DPP10: variants seen among roughly 807,000 people sequenced by gnomAD.
The protein encoded by DPP10 is inactive dipeptidyl peptidase 10.
DPP10 carries 33 observed loss-of-function variants against 120.9 expected under a neutral mutation model. That is an observed-to-expected ratio of 0.27 (90% confidence interval 0.21 to 0.37). The LOEUF is 0.37. DPP10 is among the 10% of genes least tolerant of loss of function. The pLI is 1.00. For synonymous variants in DPP10, 337 were observed against 326.1 expected, an observed-to-expected ratio of 1.03 and a Z score of -0.36; for missense variants, 816 against 942.8, an observed-to-expected ratio of 0.87 and a Z score of 1.76.
chr2:115,574,065 C>A (rs918901203), intron 5 of DPP10, among the ~76,000 whole-genome samples: 5 of 152,110 alleles, frequency 3.3e-5, no homozygotes, highest in African/African-American at 7.2e-5. Context: ...CAATCATCTG[C>A]CATCCATTCA....
At chr2:114,585,007 T>G (rs1690835345) in intron 1 of DPP10, among the ~76,000 whole-genome samples, 1 of 152,188 alleles carries the variant, frequency 6.6e-6, no homozygotes, top group Non-Finnish European at 1.5e-5. Flanking sequence ...AAGCTTGTGT[T>G]AGCTTTTTAT....
chr2:115,027,654 T>C (rs1188183661), intron 1 of DPP10, among the ~76,000 whole-genome samples: 1 of 152,128 alleles, frequency 6.6e-6, no homozygotes, highest in African/African-American at 2.4e-5. Flanking sequence ...ATAAAATAAG[T>C]TTAGAAGTAT....
At chr2:115,811,936 A>G (rs1357039387) in intron 19 of DPP10, among the ~76,000 whole-genome samples, 3 of 152,224 alleles carry the variant, frequency 2.0e-5, no homozygotes, top group Non-Finnish European at 2.9e-5. Flanking sequence ...TATGCTCAAC[A>G]TAAGCAAAAT....
chr2:115,336,702 T>C (rs2063160870), intron 2 of DPP10, among the ~76,000 whole-genome samples: 1 of 151,862 alleles, frequency 6.6e-6, no homozygotes, highest in South Asian at 2.1e-4. Context: ...GAGAGGTGAA[T>C]ATTAAATTTT....
chr2:115,093,583 T>C (rs1315839000), intron 1 of DPP10, among the ~76,000 whole-genome samples: 1 of 152,080 alleles, frequency 6.6e-6, no homozygotes, highest in East Asian at 1.9e-4. Context: ...TAGGAAATAG[T>C]ACATATCTAA....
At chr2:115,179,446 C>T (rs960618092) in intron 1 of DPP10, among the ~76,000 whole-genome samples, 2 of 151,816 alleles carry the variant, frequency 1.3e-5, no homozygotes, top group Admixed American at 6.6e-5. Context: ...TCTTATATAC[C>T]GTGGGATAAG....
chr2:114,940,776 A>T (rs909698850), intron 1 of DPP10, among the ~76,000 whole-genome samples: 1 of 152,196 alleles, frequency 6.6e-6, no homozygotes, highest in Non-Finnish European at 1.5e-5. Flanking sequence ...CCATTATGTT[A>T]ACAGAATTGT....
At chr2:114,530,288 G>T (rs1384591304) in intron 1 of DPP10, among the ~76,000 whole-genome samples, 1 of 152,028 alleles carries the variant, frequency 6.6e-6, no homozygotes, top group Non-Finnish European at 1.5e-5. Context: ...CACAACTTGT[G>T]GCAAATGATT....
chr2:115,719,205 C>T (rs963690166), intron 7 of DPP10, among the ~76,000 whole-genome samples: 4 of 152,022 alleles, frequency 2.6e-5, no homozygotes, highest in South Asian at 2.1e-4. Context: ...TCCTAAAAAG[C>T]GTGGATTAAA....
At chr2:115,382,594 C>G (rs1320284503) in intron 3 of DPP10, among the ~76,000 whole-genome samples, 2 of 151,952 alleles carry the variant, frequency 1.3e-5, no homozygotes, top group African/African-American at 2.4e-5. Flanking sequence ...CTTTCCAGTG[C>G]TATCTCTGTG....
intron 1 of DPP10, among the ~76,000 whole-genome samples, chr2:114,653,041 T>TGA (rs1259965626): frequency 6.6e-6 from 1 of 151,518 alleles, no homozygotes; most frequent in Non-Finnish European, 1.5e-5. Context: ...TGTGTGTGTG[T>TGA]GTGTGTGTGT....
At chr2:115,363,056 C>A (rs377463923) in intron 3 of DPP10, among the ~76,000 whole-genome samples, 1 of 152,294 alleles carries the variant, frequency 6.6e-6, no homozygotes, top group African/African-American at 2.4e-5. Flanking sequence ...CACTGCCATG[C>A]ACTTGTCAAC....
chr2:115,204,190 C>G (rs1179937202), intron 1 of DPP10, among the ~76,000 whole-genome samples: 1 of 152,092 alleles, frequency 6.6e-6, no homozygotes, highest in Admixed American at 6.6e-5. Context: ...ATGTGCAGTT[C>G]TGCAAAAACT....
At chr2:115,403,381 CTTTTTTTTTTTTTTTT>C (rs78116780) in intron 3 of DPP10, among the ~76,000 whole-genome samples, 20 of 118,466 alleles carry the variant, frequency 1.7e-4, no homozygotes, top group East Asian at 1.5e-3. Context: ...TTCTTTCCTT[CTTTTTTTTTTTTTTTT>C]TTTTTTTTTT....
intron 7 of DPP10, among the ~76,000 whole-genome samples, chr2:115,697,731 A>T (rs1043559496): frequency 6.6e-6 from 1 of 152,148 alleles, no homozygotes; most frequent in South Asian, 2.1e-4. Context: ...GACGCCTGTA[A>T]TCCCAGCACT....
At chr2:114,970,227 GA>G (rs1699305585) in intron 1 of DPP10, among the ~76,000 whole-genome samples, 1 of 152,096 alleles carries the variant, frequency 6.6e-6, no homozygotes, top group Non-Finnish European at 1.5e-5. Flanking sequence ...CTAAAATGGA[GA>G]AATAAATTAA....
chr2:115,717,972 AAAGGG>A (rs2092546125), intron 7 of DPP10, among the ~76,000 whole-genome samples: 2 of 152,174 alleles, frequency 1.3e-5, no homozygotes, highest in African/African-American at 2.4e-5. Flanking sequence ...TCCAAAATAG[AAAGGG>A]AAGTCAGATG....
At chr2:114,965,600 G>T (rs1004404853) in intron 1 of DPP10, among the ~76,000 whole-genome samples, 1 of 152,070 alleles carries the variant, frequency 6.6e-6, no homozygotes, top group African/African-American at 2.4e-5. Context: ...CTAGGTGATT[G>T]GTTAAGACCT....
chr2:115,372,155 T>G (rs1234313635), intron 3 of DPP10, among the ~76,000 whole-genome samples: 1 of 152,130 alleles, frequency 6.6e-6, no homozygotes, highest in Admixed American at 6.6e-5. Context: ...TTGATTATAG[T>G]TTAAATGGAA....
Sources: gnomAD v4.1 joint callset for allele counts (sites outside exome capture counted in the v4.1 genomes callset) on GRCh38, gnomAD v4.1.1 for gene constraint, MANE v1.5 for transcripts, NCBI Gene and HGNC (gene_info 2026-07-23, HGNC 2026-07-21) for gene names.